Variants in RBCK1 observed in about 807,000 individuals in gnomAD.
RBCK1 encodes the protein RANBP2-type and C3HC4-type zinc finger containing 1, also known as ranBP-type and C3HC4-type zinc finger-containing protein 1.
Under a neutral mutation model 71.1 loss-of-function variants are expected in RBCK1, and 44 were observed. The ratio of observed to expected loss-of-function variants is 0.62; its 90% CI spans 0.49 to 0.80. The LOEUF (loss-of-function observed/expected upper bound fraction) is 0.80, where lower values mean the gene tolerates loss of function less well. Among genes scored for constraint, RBCK1 ranks in the 30% least tolerant of loss-of-function variants. The probability of loss-of-function intolerance (pLI) is 0.00; values close to 1 mark genes in which losing one functional copy is unlikely to be tolerated. For synonymous variants in RBCK1, 306 were observed against 279.7 expected, an observed-to-expected ratio of 1.09 and a Z score of -0.94; for missense variants, 569 against 685.0, an observed-to-expected ratio of 0.83 and a Z score of 1.89.
At chr20:427,517 A>G in intron 9 of RBCK1, 25 bp downstream of exon 9, 1 of 1,610,322 alleles carries the variant, frequency 6.2e-7, no homozygotes, top group Non-Finnish European at 8.5e-7. Flanking sequence ...GACTCCCCCC[A>G]CCTAGTCACT....
chr20:419,489 GTATCCT>G, intron 5 of RBCK1, 21 bp downstream of exon 5: 1 of 1,604,620 alleles, frequency 6.2e-7, no homozygotes, highest in East Asian at 2.2e-5. Context: ...CTTGGCCTCA[GTATCCT>G]CTTCTGTGCC....
chr20:419,776 G>A (rs1375226604), intron 6 of RBCK1, 45 bp downstream of exon 6: 7 of 1,515,810 alleles, frequency 4.6e-6, no homozygotes, highest in Non-Finnish European at 6.2e-6. Flanking sequence ...ACCGCACGGG[G>A]GAGGTGTAGG....
chr20:419,258 T>G, intron 4 of RBCK1, 89 bp from the exon 5 acceptor site: 1 of 1,558,232 alleles, frequency 6.4e-7, no homozygotes. Context: ...AGGGGGAGGG[T>G]CTGCCTGGCT....
At chr20:410,074 A>G in intron 2 of RBCK1, 49 bp downstream of exon 2, 1 of 1,580,876 alleles carries the variant, frequency 6.3e-7, no homozygotes, top group Non-Finnish European at 8.6e-7. Flanking sequence ...AGGACAGGAT[A>G]TTCTTGCCTG....
chr20:409,596 A>G lies in RBCK1; in HGVS notation c.23-285A>G, dbSNP rs551244404. ...TGGGACAGTGGGTGGCACACAGTAG[A>G]AGCTCAATAACTGCTTGTTGGATAA... is the stretch of plus-strand genomic sequence containing the variant. On this transcript the variant is annotated intron_variant, in intron 1 of 11. Transcript: ENST00000356286. 9.4e-4 allele frequency among the ~76,000 whole-genome samples: 143 copies of G among 152,204 alleles called. No individual in the cohort carries two copies. The Middle Eastern group carries it at 0.024, about 25-fold the overall frequency.
Position 428,931 on chromosome 20 carries a change from C to T in RBCK1, c.1309-20C>T. Reference sequence around the variant, plus strand: ...GACTGCCCCAGCCCCGCCCCAGGGCCAGCACCTGCCCCACTCCAGGTGATG... The same window carrying T: ...GACTGCCCCAGCCCCGCCCCAGGGCTAGCACCTGCCCCACTCCAGGTGATG... On this transcript the variant is annotated intron_variant, in intron 10 of 11. Transcript: ENST00000356286. This position sits in a 1 kb window ranked among gnomAD's most constrained non-coding sequence, Gnocchi z 5.7. 6.3e-7 allele frequency: 1 copy of T among 1,595,764 alleles called. No individual in the cohort carries two copies. The highest frequency in any genetic ancestry group is 8.5e-7 in the Non-Finnish European group (1 of 1,174,432).
rs187387350 is a variant in RBCK1 at position 432,063 on chromosome 20, A to C, written c.*1633A>C. Among the ~76,000 whole-genome samples the C allele has an allele frequency of 6.6e-6, 1 of 152,312 alleles. No homozygotes were observed. Among genetic ancestry groups the C allele is most frequent in the Admixed American group, 6.5e-5 (1 of 15,300 alleles). On this transcript the variant is annotated 3_prime_UTR_variant, in exon 12 of 12. Transcript: ENST00000356286. This position sits in a 1 kb window ranked among gnomAD's most constrained non-coding sequence, Gnocchi z 4.3. ...CCACCCAGTGTTGTTTTAGAAATTT[A>C]AATCGGTTGCCCATCTTTTTAAATT...
chr20:416,407 A>C (rs983868062), intron 2 of RBCK1, among the ~76,000 whole-genome samples: 1 of 151,638 alleles, frequency 6.6e-6, no homozygotes, highest in Non-Finnish European at 1.5e-5. Flanking sequence ...TGATCCACCC[A>C]CCTCGGCCTC....
rs2016499727 is a variant in RBCK1, at chr20:422,507, T to A, written c.1029+269T>A. Among the ~76,000 whole-genome samples the A allele has an allele frequency of 7.8e-6, 1 of 127,874 alleles. No homozygotes were observed. The highest frequency in any genetic ancestry group is 3.2e-5 in the African/African-American group (1 of 31,486). 83.9% of individuals were successfully genotyped at this position (127,874 alleles called of 152,430 possible). A position where few individuals can be genotyped will look rare whatever the true frequency, so the allele number is the denominator to read the frequency against. On this transcript the variant is annotated intron_variant, in intron 8 of 11. Transcript: ENST00000356286. This position sits in a 1 kb window ranked among gnomAD's most constrained non-coding sequence, Gnocchi z 5.0. ...GAGTAGCTAGTCAAGAAACCACATCTATGAAGGAAGGACAGCAGAGTTGTT... is the reference window on the plus strand; with the variant it reads ...GAGTAGCTAGTCAAGAAACCACATCAATGAAGGAAGGACAGCAGAGTTGTT...
At chr20:418,392 G>C (rs936408982) in intron 4 of RBCK1, among the ~76,000 whole-genome samples, 5 of 150,684 alleles carry the variant, frequency 3.3e-5, no homozygotes, top group Non-Finnish European at 7.4e-5. Flanking sequence ...TTTTTGAGAC[G>C]GAGTCTCGCT....
At chr20:423,143 T>C (rs1034218408) in intron 8 of RBCK1, among the ~76,000 whole-genome samples, 2 of 152,016 alleles carry the variant, frequency 1.3e-5, no homozygotes, top group Non-Finnish European at 2.9e-5. Context: ...CTACTAAAAA[T>C]AGAAAATTAG....
chr20:424,440 C>A (rs922303244), intron 8 of RBCK1, among the ~76,000 whole-genome samples: 3 of 152,206 alleles, frequency 2.0e-5, no homozygotes, highest in Admixed American at 1.3e-4. Flanking sequence ...TTCTGTCCCC[C>A]CTGCCTCTCT....
At chr20:409,819 A>G (rs1421459977) in intron 1 of RBCK1, 62 bp from the exon 2 acceptor site, 1 of 1,572,466 alleles carries the variant, frequency 6.4e-7, no homozygotes, top group Non-Finnish European at 8.6e-7. Context: ...TTCCTACCCC[A>G]TTACTCTCAG....
chr20:429,005 C>T lies in RBCK1; in HGVS notation c.1363C>T (p.Gln455Ter). ...CTGCCCCCAGTGCCAGATCGTGGTA[C>T]AGAAGAAGGACGGCTGCGACTGGAT... is the stretch of plus-strand genomic sequence containing the variant. ...MRCPQCQIVV[Q>*]KKDGCDWIRC... is the part of the protein sequence containing the mutation. Residue 455 changes from glutamine (Q) to a stop codon, truncating the protein, a stop_gained, in exon 11 of 12, where the codon CAG (glutamine) becomes TAG (stop). Transcript: ENST00000356286. LOFTEE classifies it high-confidence loss of function. 2 of 1,612,278 alleles carry T rather than the reference C, an allele frequency of 1.2e-6. No homozygotes were observed. The highest frequency in any genetic ancestry group is 1.7e-6 in the Non-Finnish European group (2 of 1,179,930).
rs1234630280 is a variant in RBCK1 at position 431,052 on chromosome 20, T to C, written c.*622T>C. On this transcript the variant is annotated 3_prime_UTR_variant, in exon 12 of 12. Coordinates refer to ENST00000356286, the MANE Select transcript of RBCK1 (RefSeq NM_031229.4). This position sits in a 1 kb window ranked among gnomAD's most constrained non-coding sequence, Gnocchi z 4.8. ...GCAGGATCCTGAGGTCTCTGGGAAC[T>C]GCATCAGAAAGTTGACTTGTCAGTC... is the stretch of plus-strand genomic sequence containing the variant. The C allele has an allele frequency of 1.3e-5, 2 of 152,484 alleles. No individual in the cohort carries two copies. The highest frequency in any genetic ancestry group is 2.9e-5 in the Non-Finnish European group (2 of 68,264). 9.4% of individuals were successfully genotyped at this position (152,484 alleles called of 1,614,324 possible). A position where few individuals can be genotyped will look rare whatever the true frequency, so the allele number is the denominator to read the frequency against.
rs2015513280 is a variant in RBCK1 at position 408,676 on chromosome 20, T to C, written c.-82T>C. On this transcript the variant is annotated 5_prime_UTR_variant, in exon 1 of 12. Coordinates refer to ENST00000356286, the MANE Select transcript of RBCK1 (RefSeq NM_031229.4). ...CGGCCTGGCTGAGTTGCTCCTGGTCTCCCGCCTCTCCCAGGCGACCCGGAG... is the reference window on the plus strand; with the variant it reads ...CGGCCTGGCTGAGTTGCTCCTGGTCCCCCGCCTCTCCCAGGCGACCCGGAG... 1.3e-6 allele frequency: 2 copies of C among 1,567,008 alleles called. No individual in the cohort carries two copies. Among genetic ancestry groups the C allele is most frequent in the Admixed American group, 3.7e-5 (2 of 53,642 alleles).
In RBCK1 at chr20:409,899, G is replaced by C. The variant is rs1471676178; in HGVS notation, c.41G>C (p.Ser14Thr). 1 of 1,613,994 alleles carries C rather than the reference G, an allele frequency of 6.2e-7. No homozygotes were observed. The highest frequency in any genetic ancestry group is 1.1e-5 in the South Asian group (1 of 91,080). The change falls in exon 2 of 12, where the codon AGC (serine) becomes ACC (threonine). Residue 14 changes from serine (S) to threonine (T), a missense_variant. Ser to Thr is a moderately conservative substitution (Grantham distance 58). Transcript: ENST00000356286. ...CTTTCAGCAGAGGAAATGGCCCTGA[G>C]CCTCACCCGAGCAGTGGCGGGCGGG... ...KTKKAEEMAL[S>T]LTRAVAGGDE... is the part of the protein sequence containing the mutation.
At position 417,333 on chromosome 20, in the gene RBCK1, G is replaced by T. The variant is rs1439842538; in HGVS notation, c.168-193G>T. On this transcript the variant is annotated intron_variant, in intron 2 of 11. Transcript: ENST00000356286. The surrounding 1 kb of genome is among the most constrained non-coding windows in gnomAD (Gnocchi z 4.7). ...AAGAGTAGCGTGGAGCCATTGGAGG[G>T]GCCTAACTGGTGGGTTCTAATAAAG... 6 of 731,236 alleles carry T rather than the reference G, an allele frequency of 8.2e-6. No homozygotes were observed. Among genetic ancestry groups the T allele is most frequent in the African/African-American group, 1.7e-5 (1 of 58,160 alleles). The allele number at this position is 731,236 out of a possible 1,614,324, so 45.3% of individuals were successfully genotyped here.
chr20:409,133 A>G (rs1052609228), intron 1 of RBCK1, among the ~76,000 whole-genome samples: 2 of 152,218 alleles, frequency 1.3e-5, no homozygotes, highest in Non-Finnish European at 2.9e-5. Context: ...GTAGAACGGA[A>G]GTCAGTCACT....
Sources: allele counts gnomAD v4.1 joint callset (sites outside exome capture counted in the v4.1 genomes callset), GRCh38; gene constraint gnomAD v4.1.1; non-coding constraint Gnocchi (gnomAD v3.1); transcripts MANE v1.5; gene names NCBI Gene and HGNC (gene_info 2026-07-23, HGNC 2026-07-21).